Variants in KIAA1217 observed in about 807,000 individuals in gnomAD.
KIAA1217 encodes the protein sickle tail protein homolog.
In KIAA1217, 88 loss-of-function variants were observed where a neutral mutation model predicts 163.9. The observed-to-expected ratio is 0.54, with a 90% confidence interval of 0.45 to 0.64. The LOEUF is 0.64. Among genes scored for constraint, KIAA1217 ranks in the 30% least tolerant of loss-of-function variants. The pLI, the probability that KIAA1217 is intolerant of heterozygous loss-of-function variation, is 0.00. For synonymous variants in KIAA1217, 903 were observed against 923.1 expected, an observed-to-expected ratio of 0.98 and a Z score of 0.39; for missense variants, 2,372 against 2,475.0, an observed-to-expected ratio of 0.96 and a Z score of 0.88.
At chr10:24,435,484 A>G (rs1397205454) in intron 4 of KIAA1217, among the ~76,000 whole-genome samples, 1 of 152,244 alleles carries the variant, frequency 6.6e-6, no homozygotes, top group East Asian at 1.9e-4. Flanking sequence ...ATTGAAGGAC[A>G]CAGTAATAGC....
intron 3 of KIAA1217, among the ~76,000 whole-genome samples, chr10:24,422,668 T>G (rs939660713): frequency 1.8e-4 from 28 of 152,242 alleles, no homozygotes; most frequent in African/African-American, 6.0e-4. Context: ...CAATTGATTC[T>G]TTCAGCCATT....
At chr10:24,491,286 CTTTTTTT>C (rs1169407580) in intron 6 of KIAA1217, among the ~76,000 whole-genome samples, 29 of 114,694 alleles carry the variant, frequency 2.5e-4, no homozygotes, top group African/African-American at 4.2e-4. Flanking sequence ...TTTTTTTTTC[CTTTTTTT>C]TTTTTTTTTT....
intron 1 of KIAA1217, among the ~76,000 whole-genome samples, chr10:23,895,728 A>G (rs1198128283): frequency 6.6e-6 from 1 of 152,052 alleles, no homozygotes; most frequent in South Asian, 2.1e-4. Flanking sequence ...AATAGCAAAG[A>G]CTTGGAACCA....
intron 2 of KIAA1217, among the ~76,000 whole-genome samples, chr10:24,119,357 C>T (rs545249640): frequency 2.6e-5 from 4 of 151,982 alleles, no homozygotes; most frequent in African/African-American, 9.6e-5. Context: ...GCTGAAAGAT[C>T]TGTAAATCTA....
In KIAA1217 at chr10:23,948,460, G is replaced by A. The variant is rs79664018; in HGVS notation, c.-320-58765G>A. On this transcript the variant is annotated intron_variant, in intron 1 of 18. Coordinates refer to the KIAA1217 transcript ENST00000376462. ...AAATATTGCCAGTAACTGCCACTTT[G>A]TTAACTACATACCTTGGAATGATGC... Among the ~76,000 whole-genome samples, 14 of 152,260 alleles carry A rather than the reference G, an allele frequency of 9.2e-5. No homozygotes were observed. In the East Asian group the frequency reaches 2.7e-3, roughly 29 times the overall value.
chr10:23,894,068 G>C (rs943381755), intron 1 of KIAA1217, among the ~76,000 whole-genome samples: 3 of 151,882 alleles, frequency 2.0e-5, no homozygotes, highest in Non-Finnish European at 2.9e-5. Context: ...CATTCCCTTT[G>C]AAAACTGGCA....
rs12263815 is a variant in KIAA1217, at chr10:24,161,699, T to C, written c.-170-57927T>C. ...GACGCTGTTACCATTATTCAACCCC[T>C]TCCTTACCACACCAGCCTCTCAGGC... On this transcript the variant is annotated intron_variant, in intron 2 of 18. Transcript: ENST00000376462. Among the ~76,000 whole-genome samples, 483 of 152,356 alleles carry C rather than the reference T, an allele frequency of 3.2e-3. 1 individual carries two copies. Among genetic ancestry groups the C allele is most frequent in the African/African-American group, 0.011 (452 of 41,590 alleles).
chr10:23,978,151 G>A (rs1455074001), intron 1 of KIAA1217, among the ~76,000 whole-genome samples: 1 of 152,144 alleles, frequency 6.6e-6, no homozygotes, highest in Non-Finnish European at 1.5e-5. Context: ...TCCTCATCAT[G>A]GTGATTTCGG....
intron 1 of KIAA1217, among the ~76,000 whole-genome samples, chr10:23,948,883 G>A (rs1844186549): frequency 6.6e-6 from 1 of 152,016 alleles, no homozygotes; most frequent in Admixed American, 6.6e-5. Context: ...CACCCAGTAG[G>A]GCTCCATGAC....
Position 24,546,515 on chromosome 10 carries a change from T to C in KIAA1217, c.*191T>C. On this transcript the variant is annotated 3_prime_UTR_variant, in exon 21 of 21. Coordinates refer to ENST00000376454, the MANE Select transcript of KIAA1217 (RefSeq NM_019590.5). ...TTTGTTTGGTTTTCTTTTTACCTAG[T>C]TGCTATAGTGTCTACAGTCTATACT... The C allele has an allele frequency of 4.8e-6, 3 of 627,448 alleles. No homozygotes were observed. The highest frequency in any genetic ancestry group is 4.3e-5 in the South Asian group (2 of 46,660). 38.9% of individuals were successfully genotyped at this position (627,448 alleles called of 1,614,324 possible).
chr10:23,718,800 G>A (rs909356025), intron 1 of KIAA1217, among the ~76,000 whole-genome samples: 1 of 141,068 alleles, frequency 7.1e-6, no homozygotes, highest in African/African-American at 2.5e-5. Context: ...CTACAGAAGT[G>A]TATTTGGGGC....
chr10:23,818,285 TTA>T lies in KIAA1217; in HGVS notation c.-321+123055_-321+123056del, dbSNP rs1196991795. ...ATGTAATATATAATATGTTATATAT[TTA>T]TATGTTATATATAAATTATATATAT... On this transcript the variant is annotated intron_variant, in intron 1 of 18. Transcript: ENST00000376462. 7.7e-5 allele frequency among the ~76,000 whole-genome samples: 11 copies of T among 142,580 alleles called. No homozygotes were observed. The South Asian group carries it at 8.6e-4, about 11-fold the overall frequency. The allele number at this position is 142,580 out of a possible 152,430, so 93.5% of individuals were successfully genotyped here. A position where few individuals can be genotyped will look rare whatever the true frequency, so the allele number is the denominator to read the frequency against.
chr10:23,758,626 TTCTC>T (rs573288653), intron 1 of KIAA1217, among the ~76,000 whole-genome samples: 15 of 116,954 alleles, frequency 1.3e-4, no homozygotes, highest in African/African-American at 1.5e-4. Context: ...CTTTCTTACT[TTCTC>T]TCTCTCTCTC....
At chr10:23,739,892 A>G (rs7088431) in intron 1 of KIAA1217, among the ~76,000 whole-genome samples, 4,132 of 152,304 alleles carry the variant, frequency 0.027, 95 homozygotes, top group South Asian at 0.081. Flanking sequence ...AGCCAACATG[A>G]TTGGCTGAAA....
chr10:23,957,427 GATAA>G (rs1451884101), intron 1 of KIAA1217, among the ~76,000 whole-genome samples: 1 of 152,096 alleles, frequency 6.6e-6, no homozygotes, highest in Non-Finnish European at 1.5e-5. Context: ...TTTCTCAAAA[GATAA>G]ATAAATAAGG....
intron 1 of KIAA1217, among the ~76,000 whole-genome samples, chr10:24,216,018 T>C (rs1423132598): frequency 6.6e-6 from 1 of 152,166 alleles, no homozygotes; most frequent in Non-Finnish European, 1.5e-5. Flanking sequence ...CATCAATCCT[T>C]GTTAAGCAAC....
intron 1 of KIAA1217, among the ~76,000 whole-genome samples, chr10:23,757,349 G>C (rs1833972158): frequency 6.6e-6 from 1 of 151,868 alleles, no homozygotes; most frequent in African/African-American, 2.4e-5. Flanking sequence ...ATTGCACAAG[G>C]GTTCTAATTT....
At chr10:23,988,063 C>T (rs578050938) in intron 1 of KIAA1217, among the ~76,000 whole-genome samples, 24 of 151,960 alleles carry the variant, frequency 1.6e-4, no homozygotes, top group African/African-American at 5.8e-4. Context: ...TAAAAAGCAG[C>T]GTGGATCCTT....
At chr10:24,221,418 C>T (rs1459999925) in intron 2 of KIAA1217, among the ~76,000 whole-genome samples, 1 of 152,056 alleles carries the variant, frequency 6.6e-6, no homozygotes, top group African/African-American at 2.4e-5. Context: ...GAGGAAAGCT[C>T]AGTGTTTTAA....
Sources: allele counts gnomAD v4.1 joint callset (sites outside exome capture counted in the v4.1 genomes callset), GRCh38; gene constraint gnomAD v4.1.1; transcripts MANE v1.5; gene names NCBI Gene and HGNC (gene_info 2026-07-23, HGNC 2026-07-21).